CASP9: variants seen among roughly 807,000 people sequenced by gnomAD.
The protein encoded by CASP9 is caspase 9.
A neutral mutation model predicts 43.5 loss-of-function variants in CASP9; 29 were observed. The observed-to-expected ratio is 0.67, with a 90% CI of 0.50 to 0.91. CASP9 has a LOEUF of 0.91. Ranked by LOEUF, CASP9 falls within the 40% of genes least tolerant of loss-of-function variation. The probability of loss-of-function intolerance (pLI) is 0.00; values close to 1 mark genes in which losing one functional copy is unlikely to be tolerated. For missense variants in CASP9, 575 were observed against 537.4 expected, an observed-to-expected ratio of 1.07 and a Z score of -0.69; for synonymous variants, 206 against 211.9, an observed-to-expected ratio of 0.97 and a Z score of 0.24.
At chr1:15,493,557 G>GA (rs1708974053) in intron 8 of CASP9, 2 of 1,417,306 alleles carry the variant, frequency 1.4e-6, no homozygotes, top group African/African-American at 2.9e-5. Flanking sequence ...AGGATATAGG[G>GA]AGGGGCCCAT....
At chr1:15,519,041 A>ATT (rs35665235) in intron 1 of CASP9, among the ~76,000 whole-genome samples, 3 of 150,060 alleles carry the variant, frequency 2.0e-5, no homozygotes, top group African/African-American at 4.9e-5. Flanking sequence ...TACCTGACTA[A>ATT]TTTTTTTTTT....
intron 2 of CASP9, among the ~76,000 whole-genome samples, chr1:15,515,354 C>A (rs975369643): frequency 1.3e-5 from 2 of 152,154 alleles, no homozygotes; most frequent in Non-Finnish European, 2.9e-5. Context: ...TAGTGGATTG[C>A]CCAAAAATCA....
intron 3 of CASP9, among the ~76,000 whole-genome samples, chr1:15,507,406 A>C (rs1425911826): frequency 6.6e-6 from 1 of 152,168 alleles, no homozygotes; most frequent in Non-Finnish European, 1.5e-5. Context: ...GAGGCACCCA[A>C]GGCTGCCCTC....
Position 15,518,179 on chromosome 1 carries a change from T to G in CASP9, c.349A>C (p.Lys117Gln). Residue 117 changes from lysine (K) to glutamine (Q), a missense_variant, in exon 2 of 9, where the codon AAA (lysine) becomes CAA (glutamine). By Grantham distance (53) the Lys-to-Gln change is moderately conservative (BLOSUM62 1). Coordinates refer to ENST00000333868, the MANE Select transcript of CASP9 (RefSeq NM_001229.5). ...TPVVLRPEIR[K>Q]PEVLRPETPR... ...GTTTCCGGTCTGAGAACCTCTGGTT[T>G]GCGAATCTCTGGTCTGAGCACCACT... The G allele has an allele frequency of 6.2e-7, 1 of 1,614,206 alleles. No individual in the cohort carries two copies. The highest frequency in any genetic ancestry group is 1.1e-5 in the South Asian group (1 of 91,088).
chr1:15,494,074 T>G (rs905882283), intron 7 of CASP9, 73 bp from the exon 8 acceptor site: 64 of 1,526,752 alleles, frequency 4.2e-5, no homozygotes, highest in African/African-American at 5.5e-5. Flanking sequence ...CCTCTGGCCA[T>G]GCACGCTGGC....
Position 15,495,418 on chromosome 1 carries a change from A to T in CASP9, c.903T>A (p.Thr301=). The T allele has an allele frequency of 6.2e-7, 1 of 1,604,746 alleles. No individual in the cohort carries two copies. Among genetic ancestry groups the T allele is most frequent in the Non-Finnish European group, 8.5e-7 (1 of 1,175,550 alleles). ...QKDHGFEVAS[T]SPEDESPGSN... ...TGCCAGGGGACTCGTCTTCAGGGGA[A>T]GTGGAGGCCACCTCAAACCCATGGT... The change falls in exon 7 of 9, where the codon ACT becomes ACA. Residue 301 remains threonine (T), a synonymous_variant. Coordinates refer to ENST00000333868, the MANE Select transcript of CASP9 (RefSeq NM_001229.5).
intron 2 of CASP9, among the ~76,000 whole-genome samples, chr1:15,516,421 C>T (rs1350788692): frequency 6.6e-6 from 1 of 151,126 alleles, no homozygotes; most frequent in African/African-American, 2.4e-5. Context: ...TTCAAGGATG[C>T]AGTGAGCCGT....
chr1:15,500,100 G>A (rs1709263877), intron 6 of CASP9, among the ~76,000 whole-genome samples: 1 of 148,396 alleles, frequency 6.7e-6, no homozygotes, highest in Admixed American at 6.7e-5. Context: ...AGGAAAGAAG[G>A]CATCTAACAA....
intron 2 of CASP9, 31 bp from the exon 3 acceptor site, chr1:15,507,938 A>C (rs1463124335): frequency 3.7e-6 from 6 of 1,613,354 alleles, no homozygotes; most frequent in Non-Finnish European, 5.1e-6. Flanking sequence ...AGAAACATGA[A>C]TGTTGGGTTA....
intron 2 of CASP9, among the ~76,000 whole-genome samples, chr1:15,513,034 G>A (rs1709818998): frequency 6.6e-6 from 1 of 152,062 alleles, no homozygotes; most frequent in Non-Finnish European, 1.5e-5. Context: ...GGTGGCAGGT[G>A]CCTGTAGTCC....
At chr1:15,510,606 G>C (rs1472038972) in intron 2 of CASP9, among the ~76,000 whole-genome samples, 1 of 152,110 alleles carries the variant, frequency 6.6e-6, no homozygotes, top group East Asian at 1.9e-4. Flanking sequence ...AAGGGCTACA[G>C]GTGCCCATGG....
chr1:15,517,927 C>T (rs928937841), intron 2 of CASP9, among the ~76,000 whole-genome samples, 183 bp downstream of exon 2: 8 of 152,182 alleles, frequency 5.3e-5, no homozygotes, highest in Admixed American at 3.3e-4. Context: ...ACATGCTTTT[C>T]AGAGGAGGGG....
intron 1 of CASP9, among the ~76,000 whole-genome samples, chr1:15,521,457 G>A (rs932572041): frequency 3.9e-5 from 6 of 152,066 alleles, no homozygotes; most frequent in African/African-American, 1.2e-4. Context: ...TGTTCCTCCC[G>A]TACTCCTGGT....
Position 15,493,472 on chromosome 1 carries a change from C to T in CASP9, c.1158+420G>A, listed in dbSNP as rs566715101. 4.7e-6 allele frequency: 6 copies of T among 1,279,048 alleles called. No individual in the cohort carries two copies. In the African/African-American group the frequency reaches 8.9e-5, roughly 19 times the overall value. 79.2% of individuals were successfully genotyped at this position (1,279,048 alleles called of 1,614,324 possible). A position where few individuals can be genotyped will look rare whatever the true frequency, so the allele number is the denominator to read the frequency against. On this transcript the variant is annotated intron_variant, in intron 8 of 8. Coordinates refer to ENST00000333868, the MANE Select transcript of CASP9 (RefSeq NM_001229.5). The stretch of plus-strand genomic sequence containing the variant: ...TCCCTATCTGTTTCCTCACTGGGGC[C>T]TCCTGAGAAGGCGATGTACAAGGAG...
At position 15,495,275 on chromosome 1, in the gene CASP9, G is replaced by A. The variant is rs1709062304; in HGVS notation, c.1046C>T (p.Pro349Leu). ...SDIFVSYSTF[P>L]GFVSWRDPKS... ...ACGAGCCCTTCTGATGTGCTCACCT[G>A]GGAAAGTAGAGTAGGACACAAAGAT... is the stretch of plus-strand genomic sequence containing the variant. The change falls in exon 7 of 9, where the codon CCA becomes CTA. Residue 349 changes from proline (P) to leucine (L), a missense_variant and splice_region_variant. Pro to Leu is a moderately conservative substitution (Grantham distance 98, BLOSUM62 -3). Transcript: ENST00000333868. 9 of 1,609,966 alleles carry A rather than the reference G, an allele frequency of 5.6e-6. No homozygotes were observed. The highest frequency in any genetic ancestry group is 7.6e-6 in the Non-Finnish European group (9 of 1,178,332).
chr1:15,518,329 T>TC lies in CASP9; in HGVS notation c.198dup (p.Ser67GlufsTer26), dbSNP rs1461796886. On this transcript the variant is annotated frameshift_variant, in exon 2 of 9. Transcript: ENST00000333868. LOFTEE classifies it high-confidence loss of function. ...GAGATGAACAAAGGAAGAGCCTGACTCCCTCGAGTCTCCAGATCTATGATC... is the reference window on the plus strand; with the variant it reads ...GAGATGAACAAAGGAAGAGCCTGACTCCCCTCGAGTCTCCAGATCTATGATC... 10 of 1,614,088 alleles carry TC rather than the reference T, an allele frequency of 6.2e-6. No homozygotes were observed. The highest frequency in any genetic ancestry group is 8.5e-6 in the Non-Finnish European group (10 of 1,180,026).
In CASP9 at chr1:15,493,009, C is replaced by T. The variant is rs769175528; in HGVS notation, c.1185G>A (p.Gly395=). ...AGCAACCAGGCATCTGTTTATAAAT[C>T]CCTTTCACCGAAACAGCATTAGCGA... is the stretch of plus-strand genomic sequence containing the variant. ...LRVANAVSVK[G]IYKQMPGCFN... Residue 395 remains glycine (G), a synonymous_variant, in exon 9 of 9, where the codon GGG becomes GGA. Coordinates refer to ENST00000333868, the MANE Select transcript of CASP9 (RefSeq NM_001229.5). The T allele has an allele frequency of 6.2e-7, 1 of 1,614,058 alleles. No individual in the cohort carries two copies. The highest frequency in any genetic ancestry group is 1.1e-5 in the South Asian group (1 of 91,082).
In CASP9 at chr1:15,494,148, T is replaced by A. The variant is rs918536654; in HGVS notation, c.1049-147A>T. 57 of 879,054 alleles carry A rather than the reference T, an allele frequency of 6.5e-5. No individual in the cohort carries two copies. The East Asian group carries it at 1.5e-3, about 23-fold the overall frequency. The allele number at this position is 879,054 out of a possible 1,614,324, so 54.5% of individuals were successfully genotyped here. A position where few individuals can be genotyped will look rare whatever the true frequency, so the allele number is the denominator to read the frequency against. Reference sequence around the variant, plus strand: ...ACAGGAGCAGCCTGGCCCCTGAGGCTCTGCCCTAATCATGATCTTATTTCA... The same window carrying A: ...ACAGGAGCAGCCTGGCCCCTGAGGCACTGCCCTAATCATGATCTTATTTCA... On this transcript the variant is annotated intron_variant, in intron 7 of 8. Transcript: ENST00000333868.
At chr1:15,495,061 G>A (rs1479588034) in intron 7 of CASP9, among the ~76,000 whole-genome samples, 1 of 151,842 alleles carries the variant, frequency 6.6e-6, no homozygotes, top group East Asian at 1.9e-4. Flanking sequence ...GTGAGGCATA[G>A]GAACCCAAGG....
Sources: allele counts gnomAD v4.1 joint callset (sites outside exome capture counted in the v4.1 genomes callset), GRCh38; gene constraint gnomAD v4.1.1; transcripts MANE v1.5; gene names NCBI Gene and HGNC (gene_info 2026-07-23, HGNC 2026-07-21).